The following PHLDB3 variants were observed in gnomAD, a reference collection of about 807,000 sequenced individuals.
PHLDB3 encodes the protein pleckstrin homology like domain family B member 3, also known as pleckstrin homology-like domain family B member 3.
In PHLDB3, 86 loss-of-function variants were observed where a neutral mutation model predicts 85.7. The observed-to-expected ratio is 1.00, with a 90% CI of 0.84 to 1.20. The LOEUF (loss-of-function observed/expected upper bound fraction) is 1.20, where lower values mean the gene tolerates loss of function less well. Ranked by LOEUF, PHLDB3 falls within the 50% of genes most tolerant of loss-of-function variation. The pLI, the probability that PHLDB3 is intolerant of heterozygous loss-of-function variation, is 0.00. For synonymous variants in PHLDB3, 376 were observed against 349.8 expected, an observed-to-expected ratio of 1.07 and a Z score of -0.83; for missense variants, 995 against 873.0, an observed-to-expected ratio of 1.14 and a Z score of -1.76.
At chr19:43,493,120 A>G (rs1971358383) in intron 9 of PHLDB3, among the ~76,000 whole-genome samples, 1 of 151,804 alleles carries the variant, frequency 6.6e-6, no homozygotes, top group African/African-American at 2.4e-5. Flanking sequence ...CTCTACTAAA[A>G]ATACAAAAAT....
Position 43,487,076 on chromosome 19 carries a change from C to T in PHLDB3, c.1197G>A (p.Gly399=), listed in dbSNP as rs756401173. ...QRTGSLPRKR[G]ERGSQRGSPR... ...GGGATCCTCTCTGGCTCCCCCTCTC[C>T]CCCCTTTTCCGGGGCAGGCTCCCAG... The change falls in exon 10 of 16, where the codon GGG becomes GGA. Residue 399 remains glycine (G), a synonymous_variant. Coordinates refer to ENST00000292140, the MANE Select transcript of PHLDB3 (RefSeq NM_198850.4). 1 of 1,578,422 alleles carries T rather than the reference C, an allele frequency of 6.3e-7. No individual in the cohort carries two copies. Among genetic ancestry groups the T allele is most frequent in the Non-Finnish European group, 8.6e-7 (1 of 1,162,306 alleles).
rs371932658 is a variant in PHLDB3 at position 43,497,698 on chromosome 19, C to T, written c.663+50G>A. Reference sequence around the variant, plus strand: ...CTGCACTCCAGCCTGGGCAACGAGGCGAGACTCTGTCTCAAAAAAAACAAA... The same window carrying T: ...CTGCACTCCAGCCTGGGCAACGAGGTGAGACTCTGTCTCAAAAAAAACAAA... On this transcript the variant is annotated intron_variant, in intron 5 of 15. Coordinates refer to ENST00000292140, the MANE Select transcript of PHLDB3 (RefSeq NM_198850.4). 5.5e-5 allele frequency: 84 copies of T among 1,528,834 alleles called. No individual in the cohort carries two copies. In the African/African-American group the frequency reaches 9.4e-4, roughly 17 times the overall value. The allele number at this position is 1,528,834 out of a possible 1,614,324, so 94.7% of individuals were successfully genotyped here.
chr19:43,498,159 G>C (rs1006797650), intron 4 of PHLDB3, among the ~76,000 whole-genome samples: 1 of 152,056 alleles, frequency 6.6e-6, no homozygotes, highest in Non-Finnish European at 1.5e-5. Flanking sequence ...GCAACATAGG[G>C]GGAGCCCATC....
At chr19:43,496,342 A>G (rs1027151213) in intron 6 of PHLDB3, 1 of 152,052 alleles carries the variant, frequency 6.6e-6, no homozygotes, top group Non-Finnish European at 1.5e-5. Context: ...ACTTTGGGAA[A>G]CTCTGTGTTA....
intron 9 of PHLDB3, among the ~76,000 whole-genome samples, chr19:43,489,720 G>A (rs986145633): frequency 1.3e-5 from 2 of 151,926 alleles, no homozygotes; most frequent in Non-Finnish European, 2.9e-5. Flanking sequence ...AAAAAACACT[G>A]GTGGGGCCAG....
chr19:43,497,154 C>T lies in PHLDB3; in HGVS notation c.789G>A (p.Lys263=). 6.4e-7 allele frequency: 1 copy of T among 1,555,174 alleles called. No homozygotes were observed. The highest frequency in any genetic ancestry group is 1.2e-5 in the South Asian group (1 of 84,394). Residue 263 remains lysine (K), a synonymous_variant, in exon 6 of 16, where the codon AAG becomes AAA. Transcript: ENST00000292140. ...DSPGPQVPDP[K]VQELQASMAQ... is the part of the protein sequence containing the mutation. ...CCATGCTGGCCTGGAGTTCCTGGAC[C>T]TTGGGGTCTGGCACCTGGGGCCCAG...
In PHLDB3 at chr19:43,482,687, G is replaced by A. The variant is rs1196044667; in HGVS notation, c.1486-3094C>T. ...CGGGTAGCTGTGACTATAGGCACAT[G>A]CCACCACGCCCAGATGATTTTTGTA... is the stretch of plus-strand genomic sequence containing the variant. On this transcript the variant is annotated intron_variant, in intron 13 of 15. Coordinates refer to ENST00000292140, the MANE Select transcript of PHLDB3 (RefSeq NM_198850.4). Among the ~76,000 whole-genome samples, 3 of 152,232 alleles carry A rather than the reference G, an allele frequency of 2.0e-5. No individual in the cohort carries two copies. In the South Asian group the frequency reaches 6.2e-4, roughly 32 times the overall value.
chr19:43,485,604 C>G (rs1189667786), intron 13 of PHLDB3, among the ~76,000 whole-genome samples: 7 of 149,210 alleles, frequency 4.7e-5, no homozygotes, highest in African/African-American at 1.7e-4. Flanking sequence ...ATTGCCAAGG[C>G]TGGAGTGTAG....
intron 9 of PHLDB3, among the ~76,000 whole-genome samples, chr19:43,493,140 T>TAA (rs1971358609): frequency 6.6e-6 from 1 of 151,632 alleles, no homozygotes; most frequent in African/African-American, 2.4e-5. Context: ...TTAGCCAGGC[T>TAA]TGGTGGCGCA....
chr19:43,494,303 C>G (rs1003594542), intron 9 of PHLDB3, among the ~76,000 whole-genome samples: 1 of 152,110 alleles, frequency 6.6e-6, no homozygotes, highest in Non-Finnish European at 1.5e-5. Flanking sequence ...AGCCACCATG[C>G]TGGGCGCCTG....
rs1218552489 is a variant in PHLDB3 at position 43,475,221 on chromosome 19, G to A, written c.*189C>T. ...GGCCTTAGGGGCCGGCGATCCCGTCGGGGGCAAGGCACCTGCAACCCAGAA... is the reference window on the plus strand; with the variant it reads ...GGCCTTAGGGGCCGGCGATCCCGTCAGGGGCAAGGCACCTGCAACCCAGAA... On this transcript the variant is annotated 3_prime_UTR_variant, in exon 16 of 16. Transcript: ENST00000292140. 3 of 732,950 alleles carry A rather than the reference G, an allele frequency of 4.1e-6. No homozygotes were observed. Among genetic ancestry groups the A allele is most frequent in the African/African-American group, 3.6e-5 (2 of 55,716 alleles). 45.4% of individuals were successfully genotyped at this position (732,950 alleles called of 1,614,324 possible).
Position 43,497,851 on chromosome 19 carries a change from C to A in PHLDB3, c.560G>T (p.Arg187Leu), listed in dbSNP as rs376140257. The A allele has an allele frequency of 6.3e-7, 1 of 1,583,466 alleles. No homozygotes were observed. Among genetic ancestry groups the A allele is most frequent in the African/African-American group, 1.3e-5 (1 of 74,410 alleles). ...CTGGCGAAGACCCTCTAGGCGATCC[C>A]GTTCCTGGCTCAGCCGCCTCTGTTC... ...EQEQRRLSQE[R>L]DRLEGLRQRL... is the part of the protein sequence containing the mutation. Residue 187 changes from arginine to leucine, a missense_variant, in exon 5 of 16, where the codon CGG becomes CTG. Transcript: ENST00000292140.
At chr19:43,504,402 C>T (rs1454379624) in intron 1 of PHLDB3, 187 bp downstream of exon 1, 2 of 541,340 alleles carry the variant, frequency 3.7e-6, no homozygotes, top group Non-Finnish European at 6.5e-6. Context: ...CGCCTCCCCT[C>T]CCTCATCTCT....
At chr19:43,482,345 G>A (rs546777327) in intron 13 of PHLDB3, among the ~76,000 whole-genome samples, 1 of 152,300 alleles carries the variant, frequency 6.6e-6, no homozygotes, top group Non-Finnish European at 1.5e-5. Flanking sequence ...TTTCAAGGAT[G>A]AGCTGGCTGC....
intron 4 of PHLDB3, among the ~76,000 whole-genome samples, chr19:43,499,799 T>C (rs1358673164): frequency 1.3e-5 from 2 of 151,944 alleles, no homozygotes; most frequent in Non-Finnish European, 2.9e-5. Context: ...AGTGGTGTGA[T>C]CTTGGCTCCT....
intron 9 of PHLDB3, among the ~76,000 whole-genome samples, chr19:43,488,666 C>T (rs1164166383): frequency 1.3e-5 from 2 of 152,124 alleles, no homozygotes; most frequent in African/African-American, 2.4e-5. Context: ...TGGATACACT[C>T]ATACACATGC....
intron 1 of PHLDB3, 67 bp downstream of exon 1, chr19:43,504,508 CTCCCGCCCCATCCT>C (rs1971707231): frequency 4.0e-6 from 1 of 249,138 alleles, no homozygotes; most frequent in Non-Finnish European, 7.7e-6. Flanking sequence ...AGCAGTTCGG[CTCCCGCCCCATCCT>C]TCCCGGAGCC....
At chr19:43,478,198 G>C (rs1040722828) in intron 14 of PHLDB3, 66 bp from the exon 15 acceptor site, 2 of 1,278,058 alleles carry the variant, frequency 1.6e-6, no homozygotes, top group African/African-American at 2.9e-5. Context: ...GTCGAGGTGA[G>C]GGTCATTGGC....
chr19:43,502,317 GC>G (rs757333715), intron 2 of PHLDB3, 34 bp from the exon 3 acceptor site: 1 of 1,525,482 alleles, frequency 6.6e-7, no homozygotes, highest in East Asian at 2.5e-5. Context: ...AAGTGGAGAT[GC>G]CTCGCCCCCT....
Sources: allele counts gnomAD v4.1 joint callset (sites outside exome capture counted in the v4.1 genomes callset), GRCh38; gene constraint gnomAD v4.1.1; transcripts MANE v1.5; gene names NCBI Gene and HGNC (gene_info 2026-07-23, HGNC 2026-07-21).